The following MACROD2 variants were observed in gnomAD, a reference collection of about 807,000 sequenced individuals.
The protein encoded by MACROD2 is ADP-ribose glycohydrolase MACROD2.
MACROD2 carries 36 observed loss-of-function variants against 70.4 expected under a neutral mutation model. The observed-to-expected ratio is 0.51, with a 90% CI of 0.39 to 0.68. MACROD2 has a LOEUF of 0.68. Among genes scored for constraint, MACROD2 ranks in the 30% least tolerant of loss-of-function variants. The probability of loss-of-function intolerance (pLI) is 0.00; values close to 1 mark genes in which losing one functional copy is unlikely to be tolerated. For synonymous variants in MACROD2, 172 were observed against 178.8 expected (o/e 0.96, Z 0.30); for missense variants, 496 against 538.4 (o/e 0.92, Z 0.78).
At chr20:15,068,654 A>G (rs527256951) in intron 5 of MACROD2, among the ~76,000 whole-genome samples, 33 of 152,134 alleles carry the variant, frequency 2.2e-4, no homozygotes, top group African/African-American at 7.5e-4. Context: ...GCCTTCCACT[A>G]TGGTTGTAAG....
chr20:15,832,049 T>G (rs1190630813), intron 8 of MACROD2, among the ~76,000 whole-genome samples: 1 of 152,176 alleles, frequency 6.6e-6, no homozygotes, highest in Non-Finnish European at 1.5e-5. Flanking sequence ...TTTACCTACG[T>G]ATGTTCTTTG....
chr20:14,452,343 G>GATAA (rs1242961546), intron 3 of MACROD2, among the ~76,000 whole-genome samples: 1 of 151,986 alleles, frequency 6.6e-6, no homozygotes, highest in African/African-American at 2.4e-5. Context: ...AACATTTAGG[G>GATAA]ATAATATTCT....
rs1213109865 is a variant in MACROD2, at chr20:15,338,254, A to ACGC, written c.541-93150_541-93148dup. 4.6e-5 allele frequency among the ~76,000 whole-genome samples: 7 copies of ACGC among 151,624 alleles called. No individual in the cohort carries two copies. In the East Asian group the frequency reaches 1.4e-3, roughly 29 times the overall value. On this transcript the variant is annotated intron_variant, in intron 6 of 17. Transcript: ENST00000684519. The stretch of plus-strand genomic sequence containing the variant: ...GACTTATGAGACATTGCTTAAATAC[A>ACGC]CGCTCTTATTTTTTATTCATCCAAA...
intron 8 of MACROD2, among the ~76,000 whole-genome samples, chr20:15,598,973 A>G (rs1271709789): frequency 1.3e-5 from 2 of 152,176 alleles, no homozygotes; most frequent in African/African-American, 4.8e-5. Flanking sequence ...CATTTATACC[A>G]TTATTTCTTT....
intron 8 of MACROD2, among the ~76,000 whole-genome samples, chr20:15,852,996 AT>A (rs1244951169): frequency 2.0e-5 from 3 of 152,142 alleles, no homozygotes; most frequent in African/African-American, 7.2e-5. Flanking sequence ...GAAGGACAGC[AT>A]GAGATTCTAT....
chr20:15,021,135 T>C lies in MACROD2; in HGVS notation c.419-208805T>C, dbSNP rs1366958328. Among the ~76,000 whole-genome samples the C allele has an allele frequency of 2.6e-3, 306 of 117,340 alleles. 78 individuals are homozygous for C. Among genetic ancestry groups the C allele is most frequent in the African/African-American group, 9.5e-3 (262 of 27,468 alleles). 77.0% of individuals were successfully genotyped at this position (117,340 alleles called of 152,430 possible). On this transcript the variant is annotated intron_variant, in intron 5 of 17. Transcript: ENST00000684519. ...ATGTGTATACACGTGTGTATACACA[T>C]ACGTGTGTGTATACACACACCTGTG... is the stretch of plus-strand genomic sequence containing the variant.
chr20:15,484,679 G>A (rs184669531), intron 7 of MACROD2, among the ~76,000 whole-genome samples: 2 of 152,322 alleles, frequency 1.3e-5, no homozygotes, highest in East Asian at 3.9e-4. Flanking sequence ...GGAAGCATGA[G>A]GGGATTTTTC....
chr20:15,457,811 T>C (rs2046748584), intron 7 of MACROD2, among the ~76,000 whole-genome samples: 1 of 152,112 alleles, frequency 6.6e-6, no homozygotes, highest in South Asian at 2.1e-4. Context: ...TTCAATCTTT[T>C]AGAGTTGCTT....
At chr20:15,056,846 C>A (rs1420636744) in intron 5 of MACROD2, among the ~76,000 whole-genome samples, 1 of 152,110 alleles carries the variant, frequency 6.6e-6, no homozygotes, top group Non-Finnish European at 1.5e-5. Context: ...AAGAACTAAT[C>A]ATATAACTTT....
At chr20:14,642,535 T>G (rs1013975177) in intron 4 of MACROD2, among the ~76,000 whole-genome samples, 22 of 152,128 alleles carry the variant, frequency 1.4e-4, no homozygotes, top group African/African-American at 4.8e-4. Flanking sequence ...TCATGTAAAG[T>G]GAGAGATATG....
intron 8 of MACROD2, among the ~76,000 whole-genome samples, chr20:15,616,098 C>CTTTTTT (rs34011264): frequency 3.6e-5 from 4 of 111,204 alleles, no homozygotes; most frequent in Admixed American, 9.4e-5. Context: ...GTTCCCCATT[C>CTTTTTT]TTTTTTTTTT....
chr20:15,309,637 C>G (rs889879188), intron 6 of MACROD2, among the ~76,000 whole-genome samples: 1 of 152,094 alleles, frequency 6.6e-6, no homozygotes, highest in Non-Finnish European at 1.5e-5. Context: ...GTATCAAGAA[C>G]TAAGCTATAG....
intron 8 of MACROD2, among the ~76,000 whole-genome samples, chr20:15,791,595 C>T (rs1358511507): frequency 1.3e-5 from 2 of 151,754 alleles, no homozygotes; most frequent in Non-Finnish European, 2.9e-5. Flanking sequence ...GATAAACACA[C>T]ATAAAGAATT....
chr20:14,334,365 G>T (rs1402981298), intron 3 of MACROD2, among the ~76,000 whole-genome samples: 4 of 152,146 alleles, frequency 2.6e-5, no homozygotes, highest in Non-Finnish European at 4.4e-5. Flanking sequence ...CCAACTCTTT[G>T]TTGGAAATTT....
intron 3 of MACROD2, among the ~76,000 whole-genome samples, chr20:14,423,877 C>A (rs530212312): frequency 6.7e-6 from 1 of 149,080 alleles, no homozygotes; most frequent in Admixed American, 6.7e-5. Flanking sequence ...ATTCTCCTGG[C>A]CCAGCCTCCC....
chr20:14,208,178 G>A (rs1288775852), intron 3 of MACROD2, among the ~76,000 whole-genome samples: 3 of 152,114 alleles, frequency 2.0e-5, no homozygotes, highest in Non-Finnish European at 4.4e-5. Flanking sequence ...GCTTCCTTTG[G>A]GGAGAGTAGT....
chr20:14,448,764 A>G (rs1370353926), intron 3 of MACROD2, among the ~76,000 whole-genome samples: 1 of 146,268 alleles, frequency 6.8e-6, no homozygotes, highest in Admixed American at 7.0e-5. Context: ...TCATGATTAC[A>G]TCTCATCATG....
intron 3 of MACROD2, among the ~76,000 whole-genome samples, chr20:14,362,863 G>A (rs1187394652): frequency 1.3e-5 from 2 of 152,094 alleles, no homozygotes; most frequent in Non-Finnish European, 2.9e-5. Flanking sequence ...TAGTAAGATA[G>A]GAAGCGATGA....
At chr20:14,656,610 A>G (rs1468072377) in intron 4 of MACROD2, among the ~76,000 whole-genome samples, 60 of 152,292 alleles carry the variant, frequency 3.9e-4, no homozygotes, top group Non-Finnish European at 1.0e-4. Flanking sequence ...TTCATATTTC[A>G]TTATATTACC....
Sources: gnomAD v4.1 joint callset for allele counts (sites outside exome capture counted in the v4.1 genomes callset) on GRCh38, gnomAD v4.1.1 for gene constraint, MANE v1.5 for transcripts, NCBI Gene and HGNC (gene_info 2026-07-23, HGNC 2026-07-21) for gene names.